Variants in TMEM178B observed in about 807,000 individuals in gnomAD.
TMEM178B encodes the protein transmembrane protein 178B.
Under a neutral mutation model 31.0 loss-of-function variants are expected in TMEM178B, and 5 were observed. That is an observed-to-expected ratio of 0.16 (90% confidence interval 0.08 to 0.34). The LOEUF (loss-of-function observed/expected upper bound fraction) is 0.34. TMEM178B is among the 10% of genes least tolerant of loss of function. The pLI, the probability that TMEM178B is intolerant of heterozygous loss-of-function variation, is 1.00. For synonymous variants in TMEM178B, 164 were observed against 164.0 expected (o/e 1.00, Z 0.00); for missense variants, 275 against 400.3 (o/e 0.69, Z 2.67).
chr7:141,245,524 T>G (rs913925633), intron 2 of TMEM178B, among the ~76,000 whole-genome samples: 4 of 152,230 alleles, frequency 2.6e-5, no homozygotes, highest in Admixed American at 6.5e-5. Context: ...TCTCCGATAG[T>G]CTGTTGAGTT....
intron 2 of TMEM178B, among the ~76,000 whole-genome samples, chr7:141,274,010 A>G (rs970784332): frequency 1.3e-5 from 2 of 152,212 alleles, no homozygotes; most frequent in Non-Finnish European, 2.9e-5. Flanking sequence ...CTGCCCCTCT[A>G]CATTTGCTCT....
At chr7:141,181,888 T>G (rs555894099) in intron 1 of TMEM178B, among the ~76,000 whole-genome samples, 1 of 152,326 alleles carries the variant, frequency 6.6e-6, no homozygotes, top group South Asian at 2.1e-4. Flanking sequence ...GAGGCTCGCC[T>G]CAACCCAAAG....
chr7:141,084,199 C>T (rs541494683), intron 1 of TMEM178B, among the ~76,000 whole-genome samples: 17 of 152,206 alleles, frequency 1.1e-4, no homozygotes, highest in African/African-American at 2.2e-4. Context: ...TTCCTGCCCT[C>T]GTAGGGCTTA....
chr7:141,126,139 C>T (rs1470691609), intron 1 of TMEM178B, among the ~76,000 whole-genome samples: 2 of 151,208 alleles, frequency 1.3e-5, no homozygotes, highest in African/African-American at 2.4e-5. Context: ...AAGGAGAGGA[C>T]GTCTTGGATT....
chr7:141,183,813 GTGACAGGTCC>G (rs1796567521), intron 1 of TMEM178B, among the ~76,000 whole-genome samples: 1 of 152,240 alleles, frequency 6.6e-6, no homozygotes, highest in African/African-American at 2.4e-5. Flanking sequence ...TTTTCTGGAA[GTGACAGGTCC>G]TGAGCTGAGG....
rs146699632 is a variant in TMEM178B at position 141,291,671 on chromosome 7, G to A, written c.496+78967G>A. On this transcript the variant is annotated intron_variant, in intron 2 of 3. Transcript: ENST00000565468. Reference sequence around the variant, plus strand: ...AAGACAGTAGCAAGAACCCTGTGCCGATTGTAGGGTTTATTGAAGAATTGT... The same window carrying A: ...AAGACAGTAGCAAGAACCCTGTGCCAATTGTAGGGTTTATTGAAGAATTGT... Among the ~76,000 whole-genome samples the A allele has an allele frequency of 2.4e-3, 366 of 152,116 alleles. 2 individuals are homozygous for A. The highest frequency in any genetic ancestry group is 8.3e-3 in the African/African-American group (346 of 41,488).
chr7:141,175,636 G>A lies in TMEM178B; in HGVS notation c.383-36955G>A, dbSNP rs371158791. On this transcript the variant is annotated intron_variant, in intron 1 of 3. Coordinates refer to ENST00000565468, the MANE Select transcript of TMEM178B (RefSeq NM_001195278.2). ...ATTTGTTTGTGTCCTCTGTTATTTCGTTGAGCATTGGTTTGTAGTTTTCCT... is the reference window on the plus strand; with the variant it reads ...ATTTGTTTGTGTCCTCTGTTATTTCATTGAGCATTGGTTTGTAGTTTTCCT... 3.1e-4 allele frequency among the ~76,000 whole-genome samples: 47 copies of A among 152,056 alleles called. 1 individual carries two copies. The South Asian group carries it at 7.9e-3, about 26-fold the overall frequency.
chr7:141,460,138 G>A (rs1268505496), intron 3 of TMEM178B, among the ~76,000 whole-genome samples: 2 of 152,190 alleles, frequency 1.3e-5, no homozygotes, highest in Non-Finnish European at 2.9e-5. Context: ...TGTCAGGGAT[G>A]CTATGACAAA....
intron 2 of TMEM178B, among the ~76,000 whole-genome samples, chr7:141,296,838 A>G (rs12703378): frequency 0.39 from 59,148 of 152,032 alleles, 12,334 homozygotes; most frequent in Admixed American, 0.48. Flanking sequence ...GATCTTTCTC[A>G]TCTCACCCAC....
chr7:141,192,915 G>A (rs974598722), intron 1 of TMEM178B, among the ~76,000 whole-genome samples: 8 of 152,162 alleles, frequency 5.3e-5, no homozygotes, highest in Non-Finnish European at 8.8e-5. Context: ...GGCATCTTAT[G>A]ATTTGATATT....
intron 2 of TMEM178B, among the ~76,000 whole-genome samples, chr7:141,241,217 A>T (rs1027838319): frequency 6.6e-6 from 1 of 151,284 alleles, no homozygotes; most frequent in African/African-American, 2.4e-5. Context: ...ATCACTCTGT[A>T]TGCCTTTTTT....
intron 2 of TMEM178B, among the ~76,000 whole-genome samples, chr7:141,270,660 G>A (rs1445152789): frequency 6.6e-6 from 1 of 152,180 alleles, no homozygotes; most frequent in Admixed American, 6.5e-5. Context: ...TCGAGTTGAG[G>A]TTTAATCAAA....
chr7:141,464,095 G>C (rs1031815162), intron 3 of TMEM178B, among the ~76,000 whole-genome samples: 5 of 152,114 alleles, frequency 3.3e-5, no homozygotes, highest in African/African-American at 1.2e-4. Context: ...TCAGAAGTTA[G>C]AGGCATAGTA....
At chr7:141,234,095 T>C (rs908070294) in intron 2 of TMEM178B, among the ~76,000 whole-genome samples, 1 of 152,240 alleles carries the variant, frequency 6.6e-6, no homozygotes, top group African/African-American at 2.4e-5. Context: ...GACTACTCTC[T>C]TTTGCCTGCC....
At position 141,241,114 on chromosome 7, in the gene TMEM178B, C is replaced by T. The variant is rs914442473; in HGVS notation, c.496+28410C>T. Among the ~76,000 whole-genome samples the T allele has an allele frequency of 2.0e-5, 3 of 150,124 alleles. 1 individual carries two copies. The highest frequency in any genetic ancestry group is 6.7e-5 in the Admixed American group (1 of 14,954). ...CTGGGATTTTAGTGCACCCGTCACCCGAGTAGTGTACATTGTACCTAATGT... is the reference window on the plus strand; with the variant it reads ...CTGGGATTTTAGTGCACCCGTCACCTGAGTAGTGTACATTGTACCTAATGT... On this transcript the variant is annotated intron_variant, in intron 2 of 3. Transcript: ENST00000565468.
At chr7:141,264,203 A>AT (rs554638569) in intron 2 of TMEM178B, among the ~76,000 whole-genome samples, 23 of 152,194 alleles carry the variant, frequency 1.5e-4, no homozygotes, top group Non-Finnish European at 3.1e-4. Flanking sequence ...ACTGTGTCAC[A>AT]TTGTCACATC....
intron 2 of TMEM178B, among the ~76,000 whole-genome samples, chr7:141,327,436 A>G (rs1799212600): frequency 6.6e-6 from 1 of 152,204 alleles, no homozygotes; most frequent in African/African-American, 2.4e-5. Flanking sequence ...ATTCCCCATT[A>G]GAGTGGTACA....
chr7:141,467,856 G>C (rs79819788), intron 3 of TMEM178B, among the ~76,000 whole-genome samples: 7,267 of 151,862 alleles, frequency 0.048, 200 homozygotes, highest in Middle Eastern at 0.088. Flanking sequence ...CTAGGACGAA[G>C]GTATGAGTAT....
intron 2 of TMEM178B, among the ~76,000 whole-genome samples, chr7:141,429,308 TACACACACACACACAC>T (rs3039921): frequency 4.0e-5 from 6 of 149,730 alleles, no homozygotes; most frequent in East Asian, 2.0e-4. Flanking sequence ...GAAAATGTAA[TACACACACACACACAC>T]ACACACACAC....
Sources: gnomAD v4.1 joint callset for allele counts (sites outside exome capture counted in the v4.1 genomes callset) on GRCh38, gnomAD v4.1.1 for gene constraint, MANE v1.5 for transcripts, NCBI Gene and HGNC (gene_info 2026-07-23, HGNC 2026-07-21) for gene names.